PIEZO2: variants seen among roughly 807,000 people sequenced by gnomAD.
PIEZO2 encodes the protein piezo-type mechanosensitive ion channel component 2.
Under a neutral mutation model 337.3 loss-of-function variants are expected in PIEZO2, and 172 were observed. That is an observed-to-expected ratio of 0.51 (90% confidence interval 0.45 to 0.58). PIEZO2 has a LOEUF of 0.58. Among genes scored for constraint, PIEZO2 ranks in the 20% least tolerant of loss-of-function variants. The pLI, the probability that PIEZO2 is intolerant of heterozygous loss-of-function variation, is 0.00. For synonymous variants in PIEZO2, 1,251 were observed against 1,228.5 expected, an observed-to-expected ratio of 1.02 and a Z score of -0.38; for missense variants, 3,028 against 3,391.3, an observed-to-expected ratio of 0.89 and a Z score of 2.66.
In PIEZO2 at chr18:10,759,514, A is replaced by G. The variant is rs2038030859; in HGVS notation, c.3725T>C (p.Phe1242Ser). Residue 1242 changes from phenylalanine to serine, a missense_variant, in exon 26 of 56, where the codon TTC (phenylalanine) becomes TCC (serine). By Grantham distance (155) the Phe-to-Ser change is radical. Transcript: ENST00000674853. The surrounding 1 kb of genome is among the most constrained non-coding windows in gnomAD (Gnocchi z 5.5). ...NIIKWLYFPD[F>S]IVRPNPVFLV... The stretch of plus-strand genomic sequence containing the variant: ...AAACACAGGGTTGGGCCGCACAATG[A>G]AATCTGGGAAGTACAGCCACTTTAT... 6.5e-7 allele frequency: 1 copy of G among 1,537,104 alleles called. No individual in the cohort carries two copies. Among genetic ancestry groups the G allele is most frequent in the African/African-American group, 1.4e-5 (1 of 73,030 alleles).
intron 4 of PIEZO2, among the ~76,000 whole-genome samples, chr18:10,906,014 TG>T (rs975257709): frequency 6.6e-6 from 1 of 152,238 alleles, no homozygotes; most frequent in Admixed American, 6.5e-5. Context: ...GGGAGGTGGT[TG>T]GAAATTTCTT....
intron 1 of PIEZO2, among the ~76,000 whole-genome samples, chr18:11,093,167 A>G (rs2039149244): frequency 6.6e-6 from 1 of 152,094 alleles, no homozygotes; most frequent in African/African-American, 2.4e-5. Flanking sequence ...TTTCTCTCTC[A>G]ATTATATAGT....
At chr18:11,050,897 T>TA (rs33921906) in intron 2 of PIEZO2, among the ~76,000 whole-genome samples, 189 of 140,402 alleles carry the variant, frequency 1.3e-3, no homozygotes, top group Admixed American at 1.9e-3. Flanking sequence ...TTACCAGGTT[T>TA]AAAAAAAAAA....
chr18:11,004,368 A>C (rs922464941), intron 2 of PIEZO2, among the ~76,000 whole-genome samples: 2 of 152,194 alleles, frequency 1.3e-5, no homozygotes, highest in Admixed American at 6.5e-5. Context: ...CACGTTTCTC[A>C]GACTGAATTG....
chr18:10,718,388 G>A, intron 36 of PIEZO2, 129 bp from the exon 37 acceptor site: 2 of 755,686 alleles, frequency 2.6e-6, no homozygotes, highest in Middle Eastern at 2.4e-4. Flanking sequence ...AGTTCCTTGG[G>A]GAAAGGTTGT....
rs1399461688 is a variant in PIEZO2 at position 11,002,652 on chromosome 18, A to G, written c.161-22992T>C. Among the ~76,000 whole-genome samples the G allele has an allele frequency of 6.6e-6, 1 of 152,262 alleles. No individual in the cohort carries two copies. The highest frequency in any genetic ancestry group is 1.5e-5 in the Non-Finnish European group (1 of 68,042). ...AGATATGCCTAATATTCTTAATATTATGAGACAGTTGCTTTGTTGCAATGT... is the reference window on the plus strand; with the variant it reads ...AGATATGCCTAATATTCTTAATATTGTGAGACAGTTGCTTTGTTGCAATGT... On this transcript the variant is annotated intron_variant, in intron 2 of 55. Coordinates refer to ENST00000674853, the MANE Select transcript of PIEZO2 (RefSeq NM_001378183.1). This position sits in a 1 kb window ranked among gnomAD's most constrained non-coding sequence, Gnocchi z 4.3.
At chr18:10,977,846 G>A (rs2034504583) in intron 3 of PIEZO2, among the ~76,000 whole-genome samples, 1 of 152,198 alleles carries the variant, frequency 6.6e-6, no homozygotes, top group Non-Finnish European at 1.5e-5. Flanking sequence ...ATTGCATATA[G>A]ACAAAATGTC....
chr18:10,817,616 C>G (rs759917925), intron 7 of PIEZO2, among the ~76,000 whole-genome samples: 5 of 152,136 alleles, frequency 3.3e-5, no homozygotes, highest in African/African-American at 7.2e-5. Context: ...AAGACAGAAA[C>G]ATTCTTCAAA....
intron 2 of PIEZO2, among the ~76,000 whole-genome samples, chr18:11,024,565 A>G (rs1156401535): frequency 1.3e-5 from 2 of 150,314 alleles, no homozygotes; most frequent in African/African-American, 4.9e-5. Flanking sequence ...AAAAAAAAAG[A>G]AAAAAGAAAG....
At chr18:11,066,443 T>C (rs2038154049) in intron 1 of PIEZO2, among the ~76,000 whole-genome samples, 1 of 152,202 alleles carries the variant, frequency 6.6e-6, no homozygotes, top group East Asian at 1.9e-4. Context: ...ACATCATCAC[T>C]GGTCTTAAAA....
intron 3 of PIEZO2, among the ~76,000 whole-genome samples, chr18:10,978,661 A>G (rs1598774304): frequency 6.6e-6 from 1 of 152,134 alleles, no homozygotes; most frequent in South Asian, 2.1e-4. Context: ...TTTCCTTTTT[A>G]CTTTACAGGG....
Position 11,066,214 on chromosome 18 carries a change from A to G in PIEZO2, c.73T>C (p.Phe25Leu). Reference protein sequence around the residue: ...LPICLAVACAFRYNGLSFVYL... With the variant: ...LPICLAVACALRYNGLSFVYL... ...ACAAAGGAGAGCCCATTGTATCGGA[A>G]TGCACATGCTGTGGGTGGGAAGAGA... Residue 25 changes from phenylalanine to leucine, a missense_variant, in exon 2 of 56, where the codon TTC (phenylalanine) becomes CTC (leucine). Coordinates refer to ENST00000674853, the MANE Select transcript of PIEZO2 (RefSeq NM_001378183.1). The G allele has an allele frequency of 6.5e-7, 1 of 1,536,460 alleles. No homozygotes were observed. The highest frequency in any genetic ancestry group is 8.7e-7 in the Non-Finnish European group (1 of 1,146,216).
intron 2 of PIEZO2, among the ~76,000 whole-genome samples, chr18:11,007,858 T>C (rs529888270): frequency 6.6e-6 from 1 of 152,162 alleles, no homozygotes; most frequent in Non-Finnish European, 1.5e-5. Flanking sequence ...CCAAAAGGAA[T>C]GCTAAAAGTT....
At chr18:10,998,300 A>T (rs886113971) in intron 2 of PIEZO2, among the ~76,000 whole-genome samples, 7 of 152,042 alleles carry the variant, frequency 4.6e-5, no homozygotes, top group Non-Finnish European at 8.8e-5. Flanking sequence ...CATGAAATGA[A>T]GAAGAGCAAC....
intron 7 of PIEZO2, among the ~76,000 whole-genome samples, chr18:10,826,939 C>A (rs1368917776): frequency 6.6e-6 from 1 of 152,134 alleles, no homozygotes; most frequent in African/African-American, 2.4e-5. Context: ...AAAAGTCATA[C>A]AAATAGAATT....
At position 10,962,840 on chromosome 18, in the gene PIEZO2, T is replaced by A. The variant is rs961763374; in HGVS notation, c.286+16695A>T. ...GAGCCCATGCTAGCAATGTGAGGGA[T>A]GACTTTTCCCACTGAGCTATTAGTT... On this transcript the variant is annotated intron_variant, in intron 3 of 55. Transcript: ENST00000674853. This position sits in a 1 kb window ranked among gnomAD's most constrained non-coding sequence, Gnocchi z 4.1. 6.6e-6 allele frequency among the ~76,000 whole-genome samples: 1 copy of A among 152,178 alleles called. No individual in the cohort carries two copies. Among genetic ancestry groups the A allele is most frequent in the Non-Finnish European group, 1.5e-5 (1 of 68,042 alleles).
Position 10,855,675 on chromosome 18 carries a change from G to A in PIEZO2, c.704-109C>T. 2.2e-6 allele frequency: 2 copies of A among 897,828 alleles called. No homozygotes were observed. Among genetic ancestry groups the A allele is most frequent in the Non-Finnish European group, 3.2e-6 (2 of 616,850 alleles). 55.6% of individuals were successfully genotyped at this position (897,828 alleles called of 1,614,324 possible). ...GTGAATTTCCTTCAAGTGTTTTTAGGTTTTTTAAAATAGTAATTTTTAAAA... is the reference window on the plus strand; with the variant it reads ...GTGAATTTCCTTCAAGTGTTTTTAGATTTTTTAAAATAGTAATTTTTAAAA... On this transcript the variant is annotated intron_variant, in intron 6 of 55. Transcript: ENST00000674853. The surrounding 1 kb of genome is among the most constrained non-coding windows in gnomAD (Gnocchi z 4.9).
In PIEZO2 at chr18:10,770,210, T is replaced by C; in HGVS notation, c.2884A>G (p.Ile962Val). Residue 962 changes from isoleucine (I) to valine (V), a missense_variant, in exon 21 of 56, where the codon ATT becomes GTT. This residue lies in a region of PIEZO2 where 1,925 missense variants were observed against 2,051.9 expected (regional missense o/e 0.94). Transcript: ENST00000674853. ...ATTTTGATGATGTGCAACTCCAAAA[T>C]CCACCACATGAACACCTGCAGCTTG... ...FHKLQVFMWW[I>V]LELHIIKIVS... is the part of the protein sequence containing the mutation. The C allele has an allele frequency of 6.5e-7, 1 of 1,537,416 alleles. No individual in the cohort carries two copies. The highest frequency in any genetic ancestry group is 8.7e-7 in the Non-Finnish European group (1 of 1,146,948).
At chr18:11,137,379 G>A (rs2040517917) in intron 1 of PIEZO2, among the ~76,000 whole-genome samples, 1 of 152,050 alleles carries the variant, frequency 6.6e-6, no homozygotes. Context: ...AGTGATTTAT[G>A]GCCATACCTT....
Sources: allele counts gnomAD v4.1 joint callset (sites outside exome capture counted in the v4.1 genomes callset), GRCh38; gene constraint gnomAD v4.1.1; regional missense constraint gnomAD v4.1.1; non-coding constraint Gnocchi (gnomAD v3.1); transcripts MANE v1.5; gene names NCBI Gene and HGNC (gene_info 2026-07-23, HGNC 2026-07-21).